The following DSG3 variants were observed in gnomAD, a reference collection of about 807,000 sequenced individuals.
The protein encoded by DSG3 is desmoglein-3.
DSG3 carries 63 observed loss-of-function variants against 85.9 expected under a neutral mutation model. That is an observed-to-expected ratio of 0.73 (90% CI 0.60 to 0.90). DSG3 has a LOEUF of 0.90. Ranked by LOEUF, DSG3 falls within the 40% of genes least tolerant of loss-of-function variation. DSG3 has a pLI of 0.00. For synonymous variants in DSG3, 447 were observed against 441.9 expected, an observed-to-expected ratio of 1.01 and a Z score of -0.14; for missense variants, 1,220 against 1,219.9, an observed-to-expected ratio of 1.00 and a Z score of 0.00.
chr18:31,474,058 ATT>A, intron 14 of DSG3, 61 bp from the exon 15 acceptor site: 1 of 1,542,242 alleles, frequency 6.5e-7, no homozygotes, highest in Non-Finnish European at 8.8e-7. Flanking sequence ...CCCAAGACCC[ATT>A]TTATAAAAAT....
chr18:31,475,793 T>C lies in DSG3; in HGVS notation c.2533T>C (p.Phe845Leu), dbSNP rs1246288819. The change falls in exon 16 of 16, where the codon TTC (phenylalanine) becomes CTC (leucine). Residue 845 changes from phenylalanine (F) to leucine (L), a missense_variant. Transcript: ENST00000257189. ...TATTGCTGATGACCTGGATGACAGC[T>C]TCTTGGACTCACTTGGACCCAAATT... Reference protein sequence around the residue: ...SFIADDLDDSFLDSLGPKFKK... With the variant: ...SFIADDLDDSLLDSLGPKFKK... 7 of 1,614,206 alleles carry C rather than the reference T, an allele frequency of 4.3e-6. No individual in the cohort carries two copies. The highest frequency in any genetic ancestry group is 5.9e-6 in the Non-Finnish European group (7 of 1,180,042).
rs540060940 is a variant in DSG3 at position 31,464,048 on chromosome 18, A to G, written c.1000-63A>G. The G allele has an allele frequency of 1.6e-4, 243 of 1,477,180 alleles. No homozygotes were observed. The African/African-American group carries it at 2.9e-3, about 17-fold the overall frequency. The allele number at this position is 1,477,180 out of a possible 1,614,324, so 91.5% of individuals were successfully genotyped here. On this transcript the variant is annotated intron_variant, in intron 8 of 15. Transcript: ENST00000257189. ...GCATCTTGCATAGTGTGCTGTCATC[A>G]TCTACTGGGTTTGCGGGAGTGTATT...
intron 1 of DSG3, among the ~76,000 whole-genome samples, chr18:31,453,509 G>A (rs1252538671): frequency 6.6e-6 from 1 of 152,138 alleles, no homozygotes; most frequent in East Asian, 1.9e-4. Context: ...ATATTCAATA[G>A]GAACCTTAGT....
chr18:31,453,936 A>G (rs1435944081), intron 1 of DSG3, among the ~76,000 whole-genome samples: 5 of 152,136 alleles, frequency 3.3e-5, no homozygotes, highest in Admixed American at 2.0e-4. Flanking sequence ...TAGATTTACA[A>G]ATAAAAACAC....
At chr18:31,470,425 C>G (rs1292252430) in intron 12 of DSG3, among the ~76,000 whole-genome samples, 1 of 152,088 alleles carries the variant, frequency 6.6e-6, no homozygotes, top group African/African-American at 2.4e-5. Context: ...ATATTTTTCC[C>G]TTCCTTATTC....
chr18:31,467,420 G>T (rs2072829088), intron 11 of DSG3, among the ~76,000 whole-genome samples: 1 of 152,162 alleles, frequency 6.6e-6, no homozygotes, highest in African/African-American at 2.4e-5. Context: ...TTGTTCTGAT[G>T]GAGCAGTCTA....
rs1478690755 is a variant in DSG3, at chr18:31,474,298, C to T, written c.2279C>T (p.Ser760Leu). The change falls in exon 15 of 16, where the codon TCA becomes TTA. Residue 760 changes from serine to leucine, a missense_variant. Transcript: ENST00000257189. The stretch of plus-strand genomic sequence containing the variant: ...GCCACTGGAGTTGGCATCTGTTCCT[C>T]AGGGCAGTCTGGAACCATGAGAACA... The part of the protein sequence containing the change: ...GAATGVGICS[S>L]GQSGTMRTRH... 1 of 1,614,134 alleles carries T rather than the reference C, an allele frequency of 6.2e-7. No individual in the cohort carries two copies. Among genetic ancestry groups the T allele is most frequent in the Admixed American group, 1.7e-5 (1 of 60,014 alleles).
At chr18:31,448,045 C>A in intron 1 of DSG3, 120 bp downstream of exon 1, 2 of 647,942 alleles carry the variant, frequency 3.1e-6, no homozygotes, top group Non-Finnish European at 4.6e-6. Context: ...TGGAAATCAA[C>A]ACTTTGAAAT....
chr18:31,451,081 T>A (rs2072709019), intron 1 of DSG3, among the ~76,000 whole-genome samples: 1 of 152,104 alleles, frequency 6.6e-6, no homozygotes, highest in Non-Finnish European at 1.5e-5. Flanking sequence ...TTGAAAAAAA[T>A]GTGGTATTTA....
At position 31,476,270 on chromosome 18, in the gene DSG3, G is replaced by A. The variant is rs1311795084; in HGVS notation, c.*10G>A. ...CTCCCGTCTAATATGACCAGAATGAGCTGGAATACCACACTGACCAAATCT... is the reference window on the plus strand; with the variant it reads ...CTCCCGTCTAATATGACCAGAATGAACTGGAATACCACACTGACCAAATCT... On this transcript the variant is annotated 3_prime_UTR_variant, in exon 16 of 16. Transcript: ENST00000257189. The A allele has an allele frequency of 3.1e-6, 5 of 1,595,720 alleles. No homozygotes were observed. In the Admixed American group the frequency reaches 6.8e-5, roughly 22 times the overall value.
intron 10 of DSG3, among the ~76,000 whole-genome samples, chr18:31,465,995 A>G: frequency 6.6e-6 from 1 of 152,216 alleles, no homozygotes; most frequent in Non-Finnish European, 1.5e-5. Flanking sequence ...CATTTGGGAA[A>G]ACAAGAAAAG....
Position 31,459,042 on chromosome 18 carries a change from C to G in DSG3, c.382C>G (p.Arg128Gly), listed in dbSNP as rs771333335. ...EETPSFLITC[R>G]ALNAQGLDVE... is the part of the protein sequence containing the mutation. Reference sequence around the variant, plus strand: ...TTCCCTCTGTTCCTAGATCACATGTCGGGCTCTAAATGCCCAAGGACTAGA... The same window carrying G: ...TTCCCTCTGTTCCTAGATCACATGTGGGGCTCTAAATGCCCAAGGACTAGA... The change falls in exon 5 of 16, where the codon CGG (arginine) becomes GGG (glycine). Residue 128 changes from arginine to glycine, a missense_variant. Physicochemically the swap from Arg to Gly is moderately radical, Grantham distance 125. Coordinates refer to ENST00000257189, the MANE Select transcript of DSG3 (RefSeq NM_001944.3). 1 of 1,613,278 alleles carries G rather than the reference C, an allele frequency of 6.2e-7. No homozygotes were observed. Among genetic ancestry groups the G allele is most frequent in the African/African-American group, 1.3e-5 (1 of 75,010 alleles).
intron 5 of DSG3, 119 bp from the exon 6 acceptor site, chr18:31,459,725 AT>A (rs1316830747): frequency 2.0e-6 from 2 of 1,005,900 alleles, no homozygotes; most frequent in Non-Finnish European, 2.8e-6. Flanking sequence ...TTTTTTGAAC[AT>A]ACAGATGATT....
Position 31,472,365 on chromosome 18 carries a change from A to G in DSG3, c.1979A>G (p.Asp660Gly). The G allele has an allele frequency of 1.9e-6, 3 of 1,614,174 alleles. No individual in the cohort carries two copies. The highest frequency in any genetic ancestry group is 1.7e-6 in the Non-Finnish European group (2 of 1,180,012). The change falls in exon 13 of 16, where the codon GAT becomes GGT. Residue 660 changes from aspartate (D) to glycine (G), a missense_variant. By Grantham distance (94) the Asp-to-Gly change is moderately conservative. Coordinates refer to ENST00000257189, the MANE Select transcript of DSG3 (RefSeq NM_001944.3). The part of the protein sequence containing the change: ...GVTGGFIPVP[D>G]GSEGTIHQWG... ...ACAGGTGGTTTTATCCCAGTTCCTGATGGCTCAGAAGGAACAATTCATCAG... is the reference window on the plus strand; with the variant it reads ...ACAGGTGGTTTTATCCCAGTTCCTGGTGGCTCAGAAGGAACAATTCATCAG...
intron 1 of DSG3, among the ~76,000 whole-genome samples, chr18:31,451,940 A>G (rs915916708): frequency 1.2e-4 from 19 of 152,216 alleles, no homozygotes; most frequent in African/African-American, 4.3e-4. Context: ...AGAAAATTAC[A>G]TAGACAATTT....
At chr18:31,464,909 G>A (rs2072808118) in intron 9 of DSG3, among the ~76,000 whole-genome samples, 1 of 152,100 alleles carries the variant, frequency 6.6e-6, no homozygotes, top group African/African-American at 2.4e-5. Context: ...GGCCGAGGCA[G>A]ATGGATCACT....
chr18:31,472,310 G>A lies in DSG3; in HGVS notation c.1924G>A (p.Asp642Asn). ...GGCCCCCCTTCTGCTGTTGACCTGT[G>A]ACTGTGGGGCAGGTTCTACTGGGGG... is the stretch of plus-strand genomic sequence containing the variant. The part of the protein sequence containing the change: ...LLAPLLLLTC[D>N]CGAGSTGGVT... Residue 642 changes from aspartate (D) to asparagine (N), a missense_variant, in exon 13 of 16, where the codon GAC becomes AAC. Transcript: ENST00000257189. The A allele has an allele frequency of 6.2e-7, 1 of 1,614,146 alleles. No homozygotes were observed. The highest frequency in any genetic ancestry group is 8.5e-7 in the Non-Finnish European group (1 of 1,180,028).
In DSG3 at chr18:31,464,444, A is replaced by G. The variant is rs985401754; in HGVS notation, c.1271+62A>G. ...AGGTTTTAATCTATAAGCTATCACA[A>G]CATAACACATAAACTATTATGTGCC... On this transcript the variant is annotated intron_variant, in intron 9 of 15. Transcript: ENST00000257189. 16 of 1,476,296 alleles carry G rather than the reference A, an allele frequency of 1.1e-5. No homozygotes were observed. The Admixed American group carries it at 3.4e-4, about 31-fold the overall frequency. 91.4% of individuals were successfully genotyped at this position (1,476,296 alleles called of 1,614,324 possible). A position where few individuals can be genotyped will look rare whatever the true frequency, so the allele number is the denominator to read the frequency against.
At chr18:31,458,301 T>C (rs576241423) in intron 3 of DSG3, 144 bp from the exon 4 acceptor site, 3 of 826,158 alleles carry the variant, frequency 3.6e-6, no homozygotes, top group East Asian at 2.5e-5. Context: ...ATATTCCTAG[T>C]ATCTATCAAG....
Sources: gnomAD v4.1 joint callset for allele counts (sites outside exome capture counted in the v4.1 genomes callset) on GRCh38, gnomAD v4.1.1 for gene constraint, MANE v1.5 for transcripts, NCBI Gene and HGNC (gene_info 2026-07-23, HGNC 2026-07-21) for gene names.